ADISSP: variants seen among roughly 807,000 people sequenced by gnomAD.
The protein encoded by ADISSP is adipose-secreted signaling protein.
the ADISSP span, among the ~76,000 whole-genome samples, chr20:3,762,177 C>T: frequency 1.6e-4 from 25 of 151,622 alleles, no homozygotes; most frequent in Non-Finnish European, 1.5e-5. Flanking sequence ...GAGGTTGAGG[C>T]AGGAGAATCA....
At chr20:3,757,026 A>AAAATAGATAAATAAATAAAT in the ADISSP span, among the ~76,000 whole-genome samples, 1 of 150,924 alleles carries the variant, frequency 6.6e-6, no homozygotes, top group African/African-American at 2.5e-5. Context: ...TGTTTTCAGA[A>AAAATAGATAAATAAATAAAT]AAATAAATAA....
the ADISSP span, among the ~76,000 whole-genome samples, chr20:3,766,088 C>T: frequency 2.0e-5 from 3 of 152,198 alleles, no homozygotes; most frequent in East Asian, 1.9e-4. Context: ...CCAGGAACTC[C>T]GCAACCTTCC....
chr20:3,762,971 G>T, the ADISSP span, among the ~76,000 whole-genome samples: 8 of 152,088 alleles, frequency 5.3e-5, no homozygotes, highest in Admixed American at 5.2e-4. Context: ...ACATTTTGGG[G>T]GGTGCCGGGC....
the ADISSP span, among the ~76,000 whole-genome samples, chr20:3,765,005 G>A: frequency 6.6e-6 from 1 of 152,212 alleles, no homozygotes; most frequent in East Asian, 1.9e-4. Context: ...CCCACTGAGG[G>A]TAGGACCCAC....
At chr20:3,760,422 G>A in the ADISSP span, among the ~76,000 whole-genome samples, 1 of 152,214 alleles carries the variant, frequency 6.6e-6, no homozygotes, top group African/African-American at 2.4e-5. Context: ...CTGCCAGCAT[G>A]TGCTGAGCTG....
At chr20:3,754,777 GAAGTAGGGTCC>G in the ADISSP span, among the ~76,000 whole-genome samples, 1 of 152,240 alleles carries the variant, frequency 6.6e-6, no homozygotes, top group Non-Finnish European at 1.5e-5. Context: ...AAGAGTGAAT[GAAGTAGGGTCC>G]AATTCAGGCT....
the ADISSP span, among the ~76,000 whole-genome samples, chr20:3,757,688 G>C: frequency 4.4e-4 from 67 of 152,234 alleles, no homozygotes; most frequent in South Asian, 0.013. Context: ...GAGTGCAGTG[G>C]CACAATCTCA....
chr20:3,754,526 G>A, the ADISSP span: 88 of 1,610,102 alleles, frequency 5.5e-5, no homozygotes, highest in Middle Eastern at 1.6e-4. Flanking sequence ...TAACCTGCCC[G>A]GGGACAGGGG....
At chr20:3,758,499 G>A in the ADISSP span, 2 of 1,598,372 alleles carry the variant, frequency 1.3e-6, no homozygotes, top group Non-Finnish European at 1.7e-6. The surrounding 1 kb of genome is among the most constrained non-coding windows in gnomAD (Gnocchi z 5.5). Context: ...GAGCCGGGGA[G>A]GGGAAGAAGC....
chr20:3,758,283 G>T, the ADISSP span, among the ~76,000 whole-genome samples: 31 of 152,330 alleles, frequency 2.0e-4, no homozygotes, highest in Middle Eastern at 3.4e-3. This position sits in a 1 kb window ranked among gnomAD's most constrained non-coding sequence, Gnocchi z 5.5. Context: ...CCACGACACT[G>T]CCTTCCATTG....
chr20:3,754,613 G>A, the ADISSP span: 2 of 1,323,768 alleles, frequency 1.5e-6, no homozygotes, highest in South Asian at 1.2e-5. Context: ...ACCATGGGGG[G>A]ACTGCATGCT....
At chr20:3,758,458 G>T in the ADISSP span, 1 of 1,402,084 alleles carries the variant, frequency 7.1e-7, no homozygotes, top group Non-Finnish European at 9.9e-7. This position sits in a 1 kb window ranked among gnomAD's most constrained non-coding sequence, Gnocchi z 5.5. Context: ...CCGGCTGAGA[G>T]GAACGGGGAT....
the ADISSP span, among the ~76,000 whole-genome samples, chr20:3,754,846 G>C: frequency 9.2e-5 from 14 of 152,346 alleles, no homozygotes; most frequent in African/African-American, 3.4e-4. Flanking sequence ...GGCAGGGAGA[G>C]GCGGTGATGA....
chr20:3,754,848 C>G, the ADISSP span, among the ~76,000 whole-genome samples: 4 of 152,056 alleles, frequency 2.6e-5, no homozygotes, highest in Non-Finnish European at 5.9e-5. Flanking sequence ...CAGGGAGAGG[C>G]GGTGATGAGG....
At chr20:3,758,755 C>T in the ADISSP span, 2 of 1,383,222 alleles carry the variant, frequency 1.4e-6, no homozygotes, top group Admixed American at 3.9e-5. This position sits in a 1 kb window ranked among gnomAD's most constrained non-coding sequence, Gnocchi z 5.5. Context: ...CTCGTCACCC[C>T]CAAGACTGCC....
At chr20:3,754,234 C>A in the ADISSP span, 1 of 1,507,082 alleles carries the variant, frequency 6.6e-7, no homozygotes. Context: ...GGACCCCTCC[C>A]CTTCCCTCAG....
At chr20:3,755,730 C>T in the ADISSP span, 17 of 750,446 alleles carry the variant, frequency 2.3e-5, no homozygotes, top group Admixed American at 5.0e-5. Flanking sequence ...CCCAGAAAGC[C>T]CAACTCCCTC....
the ADISSP span, chr20:3,753,997 T>C: frequency 7.7e-7 from 1 of 1,297,866 alleles, no homozygotes; most frequent in Non-Finnish European, 1.1e-6. Context: ...TCACGCAGCA[T>C]GTCGGGGGGA....
the ADISSP span, chr20:3,754,588 G>A: frequency 7.8e-6 from 12 of 1,538,946 alleles, no homozygotes; most frequent in African/African-American, 1.4e-5. Flanking sequence ...TGGCACTCAC[G>A]GGCCCCTACC....
Sources: gnomAD v4.1 joint callset for allele counts (sites outside exome capture counted in the v4.1 genomes callset) on GRCh38, gnomAD v4.1.1 for gene constraint, Gnocchi (gnomAD v3.1) non-coding constraint, MANE v1.5 for transcripts, NCBI Gene and HGNC (gene_info 2026-07-23, HGNC 2026-07-21) for gene names.